FLRT2: variants seen among roughly 807,000 people sequenced by gnomAD.
FLRT2 encodes the protein fibronectin leucine rich transmembrane protein 2.
FLRT2 carries 15 observed loss-of-function variants against 40.0 expected under a neutral mutation model. The ratio of observed to expected loss-of-function variants is 0.38; its 90% CI spans 0.25 to 0.58. FLRT2 has a LOEUF of 0.58. Ranked by LOEUF, FLRT2 falls within the 20% of genes least tolerant of loss-of-function variation. The pLI, the probability that FLRT2 is intolerant of heterozygous loss-of-function variation, is 0.71. For synonymous variants in FLRT2, 380 were observed against 336.8 expected (o/e 1.13, Z -1.41); for missense variants, 726 against 840.0 (o/e 0.86, Z 1.68).
chr14:85,557,451 G>A (rs1423348656), intron 1 of FLRT2, among the ~76,000 whole-genome samples: 2 of 151,962 alleles, frequency 1.3e-5, no homozygotes, highest in Admixed American at 1.3e-4. Context: ...TTATGAATGG[G>A]GCACCTAGAT....
chr14:85,635,845 A>G lies in FLRT2; in HGVS notation c.*12348A>G, dbSNP rs952844718. ...GTTCATTTCAAAATGTTTAGTCTTT[A>G]AAGCGGTTACCTAAGAATATCTGCC... On this transcript the variant is annotated 3_prime_UTR_variant, in exon 2 of 2. Transcript: ENST00000330753. The G allele has an allele frequency of 9.9e-5, 15 of 152,176 alleles. No homozygotes were observed. The highest frequency in any genetic ancestry group is 1.0e-4 in the Non-Finnish European group (7 of 67,992). 9.4% of individuals were successfully genotyped at this position (152,176 alleles called of 1,614,324 possible).
In FLRT2 at chr14:85,633,520, T is replaced by G. The variant is rs1334233713; in HGVS notation, c.*10023T>G. The G allele has an allele frequency of 6.6e-6, 1 of 151,906 alleles. No individual in the cohort carries two copies. The highest frequency in any genetic ancestry group is 2.4e-5 in the African/African-American group (1 of 41,354). The allele number at this position is 151,906 out of a possible 1,614,324, so 9.4% of individuals were successfully genotyped here. A position where few individuals can be genotyped will look rare whatever the true frequency, so the allele number is the denominator to read the frequency against. The stretch of plus-strand genomic sequence containing the variant: ...TACTAAAAACAAAATCAAGATAAGC[T>G]GAGCACAGTGGCTCATGCCTATAAT... On this transcript the variant is annotated 3_prime_UTR_variant, in exon 2 of 2. Transcript: ENST00000330753.
At position 85,633,314 on chromosome 14, in the gene FLRT2, T is replaced by A. The variant is rs1950953; in HGVS notation, c.*9817T>A. On this transcript the variant is annotated 3_prime_UTR_variant, in exon 2 of 2. Coordinates refer to ENST00000330753, the MANE Select transcript of FLRT2 (RefSeq NM_013231.6). The stretch of plus-strand genomic sequence containing the variant: ...ATGGCAGGCCTTTTTTCTCATGGTG[T>A]GTGGGATCATTGAACAACATGGTTG... The A allele has an allele frequency of 0.98, 148,860 of 152,164 alleles. 72,842 individuals carry two copies. The highest frequency in any genetic ancestry group is 0.99 in the African/African-American group (41,274 of 41,518). 9.4% of individuals were successfully genotyped at this position (152,164 alleles called of 1,614,324 possible).
chr14:85,577,792 G>A (rs983212126), intron 1 of FLRT2, among the ~76,000 whole-genome samples: 5 of 151,980 alleles, frequency 3.3e-5, no homozygotes, highest in African/African-American at 9.7e-5. Flanking sequence ...TGTTGCCCAG[G>A]CTGGCCTCAA....
intron 1 of FLRT2, among the ~76,000 whole-genome samples, chr14:85,565,188 G>A (rs1013269067): frequency 2.0e-5 from 3 of 152,144 alleles, no homozygotes; most frequent in Non-Finnish European, 4.4e-5. Flanking sequence ...TTTTCTGAAC[G>A]AAGATAATGA....
intron 1 of FLRT2, among the ~76,000 whole-genome samples, chr14:85,569,435 TGGGACCAGGACA>T (rs1377027195): frequency 6.6e-6 from 1 of 152,058 alleles, no homozygotes; most frequent in Non-Finnish European, 1.5e-5. Flanking sequence ...GCTGGGACTG[TGGGACCAGGACA>T]GGGCAAGGAC....
chr14:85,569,817 A>G (rs1011175000), intron 1 of FLRT2, among the ~76,000 whole-genome samples: 1 of 152,192 alleles, frequency 6.6e-6, no homozygotes, highest in Non-Finnish European at 1.5e-5. Context: ...GGGATTTTGC[A>G]TTAGCCAAAA....
chr14:85,623,552 C>T lies in FLRT2; in HGVS notation c.*55C>T, dbSNP rs1893530235. 1 of 1,302,984 alleles carries T rather than the reference C, an allele frequency of 7.7e-7. No homozygotes were observed. Among genetic ancestry groups the T allele is most frequent in the Admixed American group, 2.7e-5 (1 of 36,474 alleles). The allele number at this position is 1,302,984 out of a possible 1,614,324, so 80.7% of individuals were successfully genotyped here. On this transcript the variant is annotated 3_prime_UTR_variant, in exon 2 of 2. Transcript: ENST00000330753. ...ACAATTAGACTCTTGAGAACACACT[C>T]GTGTGTGCACATAAAGACACGCAGA...
intron 1 of FLRT2, among the ~76,000 whole-genome samples, chr14:85,568,395 G>A (rs1890730126): frequency 6.6e-6 from 1 of 152,094 alleles, no homozygotes; most frequent in Non-Finnish European, 1.5e-5. Flanking sequence ...AAAATGATTG[G>A]ACAGGCTCAA....
rs1187557449 is a variant in FLRT2 at position 85,651,461 on chromosome 14, T to C, written c.*27964T>C. The C allele has an allele frequency of 6.6e-6, 1 of 152,154 alleles. No individual in the cohort carries two copies. Among genetic ancestry groups the C allele is most frequent in the Non-Finnish European group, 1.5e-5 (1 of 68,006 alleles). The allele number at this position is 152,154 out of a possible 1,614,324, so 9.4% of individuals were successfully genotyped here. A position where few individuals can be genotyped will look rare whatever the true frequency, so the allele number is the denominator to read the frequency against. On this transcript the variant is annotated 3_prime_UTR_variant, in exon 2 of 2. Transcript: ENST00000330753. ...TTTTGTTTGTTTGTGCTGTGAATTA[T>C]TGAGATAATGGGTTAAATGTATGTG...
Position 85,647,118 on chromosome 14 carries a change from T to A in FLRT2, c.*23621T>A, listed in dbSNP as rs1894324705. ...TCCACAACCTCATACAATTTTAGTA[T>A]CTCATATGCTTCGTGTACATGTCAT... On this transcript the variant is annotated 3_prime_UTR_variant, in exon 2 of 2. Coordinates refer to ENST00000330753, the MANE Select transcript of FLRT2 (RefSeq NM_013231.6). The A allele has an allele frequency of 6.6e-6, 1 of 152,204 alleles. No homozygotes were observed. Among genetic ancestry groups the A allele is most frequent in the Admixed American group, 6.5e-5 (1 of 15,274 alleles). The allele number at this position is 152,204 out of a possible 1,614,324, so 9.4% of individuals were successfully genotyped here. A position where few individuals can be genotyped will look rare whatever the true frequency, so the allele number is the denominator to read the frequency against.
chr14:85,540,357 T>C (rs1266038072), intron 1 of FLRT2, among the ~76,000 whole-genome samples: 2 of 152,196 alleles, frequency 1.3e-5, no homozygotes, highest in Admixed American at 6.5e-5. Flanking sequence ...TTAAACCCTG[T>C]GGAACAGTTC....
At chr14:85,570,561 T>A (rs866079810) in intron 1 of FLRT2, among the ~76,000 whole-genome samples, 424 of 139,288 alleles carry the variant, frequency 3.0e-3, no homozygotes, top group African/African-American at 4.3e-3. Context: ...TTTTTATTTA[T>A]TTTATTTATT....
At chr14:85,619,016 G>A (rs1204094514) in intron 1 of FLRT2, among the ~76,000 whole-genome samples, 1 of 151,630 alleles carries the variant, frequency 6.6e-6, no homozygotes, top group Non-Finnish European at 1.5e-5. Context: ...GTTTCTTTTG[G>A]AAGGAATGGC....
intron 1 of FLRT2, among the ~76,000 whole-genome samples, chr14:85,530,831 T>C (rs921400356): frequency 2.2e-4 from 34 of 152,194 alleles, no homozygotes; most frequent in African/African-American, 7.5e-4. Context: ...CGATGCTAAA[T>C]TGGGGTTCTC....
In FLRT2 at chr14:85,565,659, C is replaced by T. The variant is rs116458189; in HGVS notation, c.-377+35125C>T. Among the ~76,000 whole-genome samples the T allele has an allele frequency of 9.9e-3, 1,501 of 152,102 alleles. 18 individuals are homozygous for T. The highest frequency in any genetic ancestry group is 0.034 in the African/African-American group (1,394 of 41,486). On this transcript the variant is annotated intron_variant, in intron 1 of 1. Coordinates refer to ENST00000330753, the MANE Select transcript of FLRT2 (RefSeq NM_013231.6). ...AGGTTATTGGTTTTAAAATACACAT[C>T]GTTAGCTTTTAAAATAAAAGTTGGC...
rs755790645 is a variant in FLRT2 at position 85,653,803 on chromosome 14, C to T, written c.*30306C>T. 4 of 152,166 alleles carry T rather than the reference C, an allele frequency of 2.6e-5. No homozygotes were observed. Among genetic ancestry groups the T allele is most frequent in the Non-Finnish European group, 4.4e-5 (3 of 68,042 alleles). The allele number at this position is 152,166 out of a possible 1,614,324, so 9.4% of individuals were successfully genotyped here. On this transcript the variant is annotated 3_prime_UTR_variant, in exon 2 of 2. Transcript: ENST00000330753. ...TATGTTGATGTGTGTGACTCCTTCT[C>T]TGTGTGTTGCTATTAAAGACATTAA... is the stretch of plus-strand genomic sequence containing the variant.
intron 1 of FLRT2, among the ~76,000 whole-genome samples, chr14:85,614,627 A>G (rs948163360): frequency 2.0e-5 from 3 of 152,052 alleles, no homozygotes; most frequent in Admixed American, 1.3e-4. Flanking sequence ...AAAGTTGACA[A>G]ATTGCACCTG....
At chr14:85,586,543 A>G (rs1458961557) in intron 1 of FLRT2, among the ~76,000 whole-genome samples, 1 of 138,070 alleles carries the variant, frequency 7.2e-6, no homozygotes, top group Admixed American at 7.1e-5. Flanking sequence ...CTATAATAAA[A>G]TGAACACTTA....
Sources: gnomAD v4.1 joint callset for allele counts (sites outside exome capture counted in the v4.1 genomes callset) on GRCh38, gnomAD v4.1.1 for gene constraint, MANE v1.5 for transcripts, NCBI Gene and HGNC (gene_info 2026-07-23, HGNC 2026-07-21) for gene names.